Variants in ROBO2 observed in about 807,000 individuals in gnomAD.
ROBO2 encodes roundabout homolog 2.
ROBO2 carries 53 observed loss-of-function variants against 160.8 expected under a neutral mutation model. That is an observed-to-expected ratio of 0.33 (90% CI 0.26 to 0.41). The LOEUF is 0.41. Among genes scored for constraint, ROBO2 ranks in the 10% least tolerant of loss-of-function variants. The pLI, the probability that ROBO2 is intolerant of heterozygous loss-of-function variation, is 1.00. For missense variants in ROBO2, 1,577 were observed against 1,722.4 expected (o/e 0.92, Z 1.49); for synonymous variants, 664 against 611.7 (o/e 1.09, Z -1.26).
At chr3:77,350,675 T>G (rs1252835833) in intron 2 of ROBO2, among the ~76,000 whole-genome samples, 1 of 152,158 alleles carries the variant, frequency 6.6e-6, no homozygotes, top group Non-Finnish European at 1.5e-5. Flanking sequence ...AATTCTGGGT[T>G]TTCATAGAAG....
chr3:76,427,606 C>A (rs183741392), intron 2 of ROBO2, among the ~76,000 whole-genome samples: 1 of 152,198 alleles, frequency 6.6e-6, no homozygotes, highest in African/African-American at 2.4e-5. Context: ...TATACATTAC[C>A]AATTCACTAA....
chr3:77,115,327 T>G (rs1165776119), intron 2 of ROBO2, among the ~76,000 whole-genome samples: 1 of 152,202 alleles, frequency 6.6e-6, no homozygotes. Flanking sequence ...AGCTTGCACA[T>G]GTACTCAGAA....
At chr3:77,406,584 AC>A (rs1416065114) in intron 2 of ROBO2, among the ~76,000 whole-genome samples, 1 of 152,172 alleles carries the variant, frequency 6.6e-6, no homozygotes, top group African/African-American at 2.4e-5. Context: ...AATTAGTAAT[AC>A]TTATTAATTG....
At chr3:77,505,908 G>A (rs1008080370) in intron 5 of ROBO2, among the ~76,000 whole-genome samples, 1 of 152,062 alleles carries the variant, frequency 6.6e-6, no homozygotes, top group African/African-American at 2.4e-5. Context: ...TAAAAATAAT[G>A]GCATAAACTA....
chr3:76,744,142 G>A (rs931864799), intron 2 of ROBO2, among the ~76,000 whole-genome samples: 12 of 152,148 alleles, frequency 7.9e-5, no homozygotes, highest in African/African-American at 2.2e-4. Context: ...ATGAGAGTTC[G>A]TTAGTTTTCT....
chr3:77,301,740 C>A (rs181705358), intron 2 of ROBO2, among the ~76,000 whole-genome samples: 2 of 152,132 alleles, frequency 1.3e-5, no homozygotes, highest in East Asian at 3.9e-4. Flanking sequence ...TAGAAACTAA[C>A]GTTCAAATAT....
At chr3:77,276,230 C>A (rs530581863) in intron 2 of ROBO2, among the ~76,000 whole-genome samples, 1,766 of 144,512 alleles carry the variant, frequency 0.012, 23 homozygotes, top group South Asian at 0.041. Flanking sequence ...AAAAAAAAAA[C>A]AAAAGAAAAA....
chr3:77,028,925 C>T (rs1158898047), intron 2 of ROBO2, among the ~76,000 whole-genome samples: 1 of 152,164 alleles, frequency 6.6e-6, no homozygotes, highest in Non-Finnish European at 1.5e-5. Context: ...GTTGTTCACA[C>T]TAACTAAGGT....
intron 2 of ROBO2, among the ~76,000 whole-genome samples, chr3:77,147,572 T>C (rs2077217040): frequency 6.6e-6 from 1 of 152,044 alleles, no homozygotes; most frequent in South Asian, 2.1e-4. Context: ...ATACTGAAAG[T>C]TTTATGGAAA....
intron 2 of ROBO2, among the ~76,000 whole-genome samples, chr3:76,305,701 A>T (rs1261500847): frequency 6.6e-6 from 1 of 151,572 alleles, no homozygotes; most frequent in Non-Finnish European, 1.5e-5. Context: ...GGAGGTTGCA[A>T]TGAGCTGAGA....
rs145731837 is a variant in ROBO2, at chr3:76,267,810, G to C, written c.109+330208G>C. Among the ~76,000 whole-genome samples, 412 of 152,134 alleles carry C rather than the reference G, an allele frequency of 2.7e-3. 1 individual carries two copies. Among genetic ancestry groups the C allele is most frequent in the Non-Finnish European group, 4.4e-3 (300 of 68,006 alleles). On this transcript the variant is annotated intron_variant, in intron 2 of 26. Coordinates refer to the ROBO2 transcript ENST00000487694. ...TAATCAAAATTAAAGCTATATTAAT[G>C]ATGGCCTCTCTATAATCTTCACCCT...
At chr3:76,708,619 C>G (rs1415979751) in intron 2 of ROBO2, among the ~76,000 whole-genome samples, 3 of 152,164 alleles carry the variant, frequency 2.0e-5, no homozygotes, top group African/African-American at 7.2e-5. Flanking sequence ...AAACAAAAAG[C>G]CTATCATAGG....
At chr3:77,362,611 C>T (rs1232936720) in intron 2 of ROBO2, among the ~76,000 whole-genome samples, 1 of 152,050 alleles carries the variant, frequency 6.6e-6, no homozygotes, top group Non-Finnish European at 1.5e-5. Context: ...TTTGGTTAAG[C>T]AAAGGATAAT....
chr3:75,972,145 A>G (rs931061922), intron 2 of ROBO2, among the ~76,000 whole-genome samples: 3 of 151,630 alleles, frequency 2.0e-5, no homozygotes, highest in Non-Finnish European at 4.4e-5. Context: ...TATTGAACAA[A>G]TGGTTATCAA....
At chr3:76,391,711 A>G (rs1344546073) in intron 2 of ROBO2, among the ~76,000 whole-genome samples, 1 of 152,000 alleles carries the variant, frequency 6.6e-6, no homozygotes, top group Non-Finnish European at 1.5e-5. Flanking sequence ...GGGTTTCACC[A>G]TGTTGGCCAG....
At chr3:77,412,723 C>T (rs2076902617) in intron 2 of ROBO2, among the ~76,000 whole-genome samples, 1 of 152,174 alleles carries the variant, frequency 6.6e-6, no homozygotes, top group African/African-American at 2.4e-5. Context: ...CCCAAAAATG[C>T]TTTCCTAATC....
intron 2 of ROBO2, among the ~76,000 whole-genome samples, chr3:76,216,292 TA>T (rs1292518766): frequency 9.2e-5 from 14 of 152,122 alleles, no homozygotes; most frequent in Non-Finnish European, 2.9e-5. Context: ...AATGAGAGGA[TA>T]AAATTCACAC....
At chr3:77,319,208 G>A (rs1432252612) in intron 2 of ROBO2, among the ~76,000 whole-genome samples, 1 of 152,132 alleles carries the variant, frequency 6.6e-6, no homozygotes, top group Non-Finnish European at 1.5e-5. Flanking sequence ...TGAATCTAAT[G>A]AAAGTAAAAG....
intron 2 of ROBO2, among the ~76,000 whole-genome samples, chr3:76,232,224 T>C (rs1576010364): frequency 6.6e-6 from 1 of 152,158 alleles, no homozygotes; most frequent in Non-Finnish European, 1.5e-5. Context: ...TCAATAGTTA[T>C]TACATTTTTA....
Sources: allele counts gnomAD v4.1 joint callset (sites outside exome capture counted in the v4.1 genomes callset), GRCh38; gene constraint gnomAD v4.1.1; transcripts MANE v1.5; gene names NCBI Gene and HGNC (gene_info 2026-07-23, HGNC 2026-07-21).